Variants in NPEPPS observed in about 807,000 individuals in gnomAD.
NPEPPS encodes puromycin-sensitive aminopeptidase.
NPEPPS carries 14 observed loss-of-function variants against 115.5 expected under a neutral mutation model. That is an observed-to-expected ratio of 0.12 (90% CI 0.08 to 0.19). NPEPPS has a LOEUF of 0.19. Among genes scored for constraint, NPEPPS ranks in the 10% least tolerant of loss-of-function variants. NPEPPS has a pLI of 1.00. For missense variants in NPEPPS, 523 were observed against 1,110.8 expected (o/e 0.47, Z 7.52); for synonymous variants, 285 against 390.6 (o/e 0.73, Z 3.19).
At chr17:47,567,961 C>G (rs1910935021) in intron 2 of NPEPPS, among the ~76,000 whole-genome samples, 1 of 151,946 alleles carries the variant, frequency 6.6e-6, no homozygotes. Flanking sequence ...CTACTATGAA[C>G]ATTTGTATAC....
intron 3 of NPEPPS, among the ~76,000 whole-genome samples, chr17:47,570,288 G>A (rs185747055): frequency 2.8e-4 from 42 of 152,152 alleles, no homozygotes; most frequent in Non-Finnish European, 5.4e-4. Flanking sequence ...CCAGTGTGGT[G>A]GCTCATCCCT....
At chr17:47,549,940 T>C (rs1909517786) in intron 2 of NPEPPS, among the ~76,000 whole-genome samples, 2 of 151,136 alleles carry the variant, frequency 1.3e-5, no homozygotes, top group Admixed American at 1.3e-4. Context: ...TAATTTTTTT[T>C]TTTTTTCTTT....
At chr17:47,559,575 C>T (rs748785713) in intron 2 of NPEPPS, 93 of 445,566 alleles carry the variant, frequency 2.1e-4, no homozygotes, top group African/African-American at 1.1e-3. Context: ...TTTTGTTCCC[C>T]GTTGGTTACT....
chr17:47,526,754 C>T (rs1907450997), upstream of NPEPPS, among the ~76,000 whole-genome samples: 1 of 151,504 alleles, frequency 6.6e-6, no homozygotes, highest in East Asian at 2.0e-4. Context: ...GTCAGGAGAT[C>T]GAGACCATCC....
At chr17:47,542,276 G>A (rs544782179) in intron 1 of NPEPPS, among the ~76,000 whole-genome samples, 65 of 152,242 alleles carry the variant, frequency 4.3e-4, no homozygotes, top group African/African-American at 1.4e-3. Flanking sequence ...GCCAGGTGCG[G>A]TGGCTCATGC....
At chr17:47,603,229 C>T (rs1483169277) in intron 15 of NPEPPS, among the ~76,000 whole-genome samples, 3 of 151,898 alleles carry the variant, frequency 2.0e-5, no homozygotes, top group East Asian at 1.9e-4. Flanking sequence ...CTGGCCAACA[C>T]GGTGAAACCC....
rs879074100 is a variant in NPEPPS, at chr17:47,622,548, C to CAA, written c.*636_*637dup. 6 of 238,092 alleles carry CAA rather than the reference C, an allele frequency of 2.5e-5. No homozygotes were observed. The highest frequency in any genetic ancestry group is 1.0e-4 in the African/African-American group (4 of 40,142). 14.7% of individuals were successfully genotyped at this position (238,092 alleles called of 1,614,324 possible). A position where few individuals can be genotyped will look rare whatever the true frequency, so the allele number is the denominator to read the frequency against. ...CCTTCTGTGTGACCGACCCCTTGGC[C>CAA]AAAAAAAAACAAAAAGCAAAAAACA... On this transcript the variant is annotated 3_prime_UTR_variant, in exon 23 of 23. Transcript: ENST00000322157.
chr17:47,566,715 G>A (rs1910842311), intron 2 of NPEPPS, among the ~76,000 whole-genome samples: 1 of 151,780 alleles, frequency 6.6e-6, no homozygotes. Context: ...GAGCCACTGC[G>A]CCCAGCCCAG....
intron 19 of NPEPPS, among the ~76,000 whole-genome samples, chr17:47,615,321 C>T (rs928506931): frequency 1.3e-5 from 2 of 152,120 alleles, no homozygotes; most frequent in Non-Finnish European, 2.9e-5. Flanking sequence ...TGTGATCCAC[C>T]CGACTCGGCC....
intron 1 of NPEPPS, among the ~76,000 whole-genome samples, chr17:47,537,396 T>C (rs2143676441): frequency 6.6e-6 from 1 of 152,154 alleles, no homozygotes; most frequent in South Asian, 2.1e-4. Flanking sequence ...TTAGACATTT[T>C]TAAAAAAGTT....
intron 12 of NPEPPS, 93 bp from the exon 13 acceptor site, chr17:47,596,260 T>G (rs757835820): frequency 1.4e-6 from 1 of 714,770 alleles, no homozygotes; most frequent in Non-Finnish European, 2.2e-6. Flanking sequence ...ACCAAAGAAT[T>G]AGCAGTGTAG....
rs911670578 is a variant in NPEPPS at position 47,602,518 on chromosome 17, A to G, written c.1740+771A>G. On this transcript the variant is annotated intron_variant, in intron 15 of 22. Coordinates refer to ENST00000322157, the MANE Select transcript of NPEPPS (RefSeq NM_006310.4). ...CTAGTCGTGATGGTGTGCACCTGTAATCCCAGCTACTCAGTAGGCTGAGGC... is the reference window on the plus strand; with the variant it reads ...CTAGTCGTGATGGTGTGCACCTGTAGTCCCAGCTACTCAGTAGGCTGAGGC... Among the ~76,000 whole-genome samples the G allele has an allele frequency of 4.0e-5, 6 of 151,888 alleles. No homozygotes were observed. The East Asian group carries it at 7.8e-4, about 20-fold the overall frequency.
chr17:47,544,992 G>GA, intron 1 of NPEPPS, among the ~76,000 whole-genome samples: 1 of 148,534 alleles, frequency 6.7e-6, no homozygotes, highest in South Asian at 2.2e-4. Context: ...GGTGTGAGCC[G>GA]ATGCCCCCAG....
chr17:47,565,030 C>T (rs930839002), intron 2 of NPEPPS, among the ~76,000 whole-genome samples: 2 of 152,136 alleles, frequency 1.3e-5, no homozygotes, highest in African/African-American at 4.8e-5. Context: ...ACTGAACACA[C>T]ACTATGTGCC....
chr17:47,555,725 A>G (rs1450610119), intron 2 of NPEPPS, among the ~76,000 whole-genome samples: 1 of 151,592 alleles, frequency 6.6e-6, no homozygotes, highest in Non-Finnish European at 1.5e-5. Context: ...TTTTCAAGGC[A>G]TTAGTAGAAA....
intron 18 of NPEPPS, among the ~76,000 whole-genome samples, chr17:47,613,256 A>AATTTTT (rs1491007440): frequency 8.2e-6 from 1 of 121,276 alleles, no homozygotes; most frequent in African/African-American, 3.2e-5. Context: ...TATAATATTT[A>AATTTTT]CTTTTTTTTT....
chr17:47,554,284 C>T lies in NPEPPS; in HGVS notation c.340+8291C>T, dbSNP rs1369446368. On this transcript the variant is annotated intron_variant, in intron 2 of 22. Transcript: ENST00000322157. ...CAAACTCCTGACCTCAGGTGATCTT[C>T]CCCCCTCAGCCTCGTAAAGTGTTGG... Among the ~76,000 whole-genome samples the T allele has an allele frequency of 2.0e-5, 3 of 152,124 alleles. No homozygotes were observed. The South Asian group carries it at 6.2e-4, about 31-fold the overall frequency.
At chr17:47,587,963 A>G (rs1025180504) in intron 9 of NPEPPS, among the ~76,000 whole-genome samples, 11 of 151,268 alleles carry the variant, frequency 7.3e-5, no homozygotes, top group Non-Finnish European at 1.2e-4. Flanking sequence ...AGTAAATACT[A>G]TTTATGAATG....
chr17:47,616,095 G>A (rs905302552), intron 19 of NPEPPS, among the ~76,000 whole-genome samples: 5 of 152,186 alleles, frequency 3.3e-5, no homozygotes, highest in African/African-American at 7.2e-5. Flanking sequence ...TATTGGAGCT[G>A]AAAAGGGCCT....
Sources: allele counts gnomAD v4.1 joint callset (sites outside exome capture counted in the v4.1 genomes callset), GRCh38; gene constraint gnomAD v4.1.1; transcripts MANE v1.5; gene names NCBI Gene and HGNC (gene_info 2026-07-23, HGNC 2026-07-21).